Variants in PC observed in about 807,000 individuals in gnomAD.
PC encodes pyruvate carboxylase, mitochondrial.
PC carries 46 observed loss-of-function variants against 107.8 expected under a neutral mutation model. That is an observed-to-expected ratio of 0.43 (90% CI 0.34 to 0.55). PC has a LOEUF of 0.55. Among genes scored for constraint, PC ranks in the 20% least tolerant of loss-of-function variants. The pLI is 0.04. For synonymous variants in PC, 662 were observed against 684.7 expected, an observed-to-expected ratio of 0.97 and a Z score of 0.52; for missense variants, 1,241 against 1,643.1, an observed-to-expected ratio of 0.76 and a Z score of 4.23.
At position 66,858,886 on chromosome 11, in the gene PC, G is replaced by A. The variant is rs1201203324; in HGVS notation, c.1368+4888C>T. Reference sequence around the variant, plus strand: ...CATGGTGGGAACAGCAGTGCCGAGGGGGGCCGCCCCGGGCCCTCGGACATC... The same window carrying A: ...CATGGTGGGAACAGCAGTGCCGAGGAGGGCCGCCCCGGGCCCTCGGACATC... On this transcript the variant is annotated intron_variant, in intron 12 of 22. Transcript: ENST00000393960. The surrounding 1 kb of genome is among the most constrained non-coding windows in gnomAD (Gnocchi z 5.9). 1.3e-6 allele frequency: 2 copies of A among 1,560,732 alleles called. No homozygotes were observed. Among genetic ancestry groups the A allele is most frequent in the Non-Finnish European group, 1.7e-6 (2 of 1,152,306 alleles).
chr11:66,862,866 C>T (rs537359276), intron 12 of PC, among the ~76,000 whole-genome samples: 2 of 152,372 alleles, frequency 1.3e-5, no homozygotes, highest in East Asian at 3.9e-4. Context: ...CCCAAGCCTC[C>T]TGCTCATGTC....
In PC at chr11:66,866,123, C is replaced by T. The variant is rs892942892; in HGVS notation, c.1185+64G>A. ...CTGTGGCAACTTGGCACTGCAGCCC[C>T]AGGCACCAGGCAGAACCTGTGCACA... On this transcript the variant is annotated intron_variant, in intron 11 of 22. Coordinates refer to ENST00000393960, the MANE Select transcript of PC (RefSeq NM_001040716.2). The surrounding 1 kb of genome is among the most constrained non-coding windows in gnomAD (Gnocchi z 5.4). 40 of 1,557,326 alleles carry T rather than the reference C, an allele frequency of 2.6e-5. No homozygotes were observed. Among genetic ancestry groups the T allele is most frequent in the Admixed American group, 6.8e-5 (4 of 59,024 alleles).
At chr11:66,931,738 C>A (rs1317873384) in intron 3 of PC, among the ~76,000 whole-genome samples, 1 of 152,068 alleles carries the variant, frequency 6.6e-6, no homozygotes, top group African/African-American at 2.4e-5. Flanking sequence ...GTTTCTGTAG[C>A]CGGGCGCAGT....
At chr11:66,939,223 C>G (rs1011338810) in intron 3 of PC, among the ~76,000 whole-genome samples, 1 of 152,126 alleles carries the variant, frequency 6.6e-6, no homozygotes, top group Non-Finnish European at 1.5e-5. Context: ...AAAAACAATA[C>G]AGTATAAGAA....
Position 66,901,836 on chromosome 11 carries a change from G to A in PC, c.1-29677C>T, listed in dbSNP as rs570860368. ...GTGGTAGTAATGACTTTCCACTGTC[G>A]CTTGGTGCCTCAACTTCCCTTGTTG... On this transcript the variant is annotated intron_variant, in intron 3 of 22. Coordinates refer to ENST00000393960, the MANE Select transcript of PC (RefSeq NM_001040716.2). Among the ~76,000 whole-genome samples, 9 of 152,132 alleles carry A rather than the reference G, an allele frequency of 5.9e-5. No individual in the cohort carries two copies. The East Asian group carries it at 7.7e-4, about 13-fold the overall frequency.
intron 9 of PC, 51 bp from the exon 10 acceptor site, chr11:66,869,015 A>T: frequency 7.3e-7 from 1 of 1,362,126 alleles, no homozygotes; most frequent in Non-Finnish European, 1.1e-6. Flanking sequence ...GGCCTGGGCA[A>T]ACTCACTGGA....
intron 3 of PC, among the ~76,000 whole-genome samples, chr11:66,904,939 C>T (rs988182532): frequency 2.6e-5 from 4 of 152,350 alleles, no homozygotes; most frequent in South Asian, 4.1e-4. Flanking sequence ...CAGCACAGAG[C>T]GCTGACAATT....
chr11:66,852,897 A>G lies in PC; in HGVS notation c.1514-61T>C. The G allele has an allele frequency of 8.0e-7, 1 of 1,256,114 alleles. No individual in the cohort carries two copies. Among genetic ancestry groups the G allele is most frequent in the Non-Finnish European group, 1.1e-6 (1 of 891,964 alleles). 77.8% of individuals were successfully genotyped at this position (1,256,114 alleles called of 1,614,324 possible). A position where few individuals can be genotyped will look rare whatever the true frequency, so the allele number is the denominator to read the frequency against. ...GGGCAGAGGCTGAGTCGAGGGCAGC[A>G]GTGAGAGTGGCTGGGCTCAGGGACA... On this transcript the variant is annotated intron_variant, in intron 13 of 22. Transcript: ENST00000393960. The surrounding 1 kb of genome is among the most constrained non-coding windows in gnomAD (Gnocchi z 4.7).
At chr11:66,851,008 G>A in intron 17 of PC, 32 bp downstream of exon 17, 1 of 1,611,020 alleles carries the variant, frequency 6.2e-7, no homozygotes. Context: ...GGCCGGGGCA[G>A]AGAGGGAGGG....
intron 9 of PC, 107 bp from the exon 10 acceptor site, chr11:66,869,071 A>G: frequency 1.2e-6 from 1 of 847,738 alleles, no homozygotes; most frequent in Non-Finnish European, 2.0e-6. Context: ...GTTCCGTAAA[A>G]GAATGGCCTG....
intron 3 of PC, among the ~76,000 whole-genome samples, chr11:66,883,852 G>A (rs1328991144): frequency 6.6e-6 from 1 of 152,166 alleles, no homozygotes; most frequent in Non-Finnish European, 1.5e-5. Flanking sequence ...TTAAGAGGCC[G>A]AGGCAGGGGT....
intron 3 of PC, among the ~76,000 whole-genome samples, chr11:66,913,297 C>T (rs1305095957): frequency 6.6e-6 from 1 of 151,656 alleles, no homozygotes; most frequent in Non-Finnish European, 1.5e-5. Context: ...CAGACAAATA[C>T]ATTATGGGGA....
At chr11:66,906,423 T>C (rs1355723494) in intron 3 of PC, among the ~76,000 whole-genome samples, 3 of 152,018 alleles carry the variant, frequency 2.0e-5, no homozygotes, top group Admixed American at 2.0e-4. Context: ...TGATGGCAGG[T>C]CTCCCTCGGT....
At chr11:66,882,872 G>A (rs576609815) in intron 3 of PC, among the ~76,000 whole-genome samples, 1 of 152,346 alleles carries the variant, frequency 6.6e-6, no homozygotes, top group Admixed American at 6.5e-5. Context: ...GGCTGCCACG[G>A]CTGATATCAA....
intron 3 of PC, among the ~76,000 whole-genome samples, chr11:66,939,846 A>G (rs1389164146): frequency 6.7e-6 from 1 of 150,246 alleles, no homozygotes; most frequent in Non-Finnish European, 1.5e-5. Context: ...AGAAAAAACA[A>G]AAAAAAAACA....
At chr11:66,883,921 G>C (rs989982329) in intron 3 of PC, among the ~76,000 whole-genome samples, 2 of 151,470 alleles carry the variant, frequency 1.3e-5, no homozygotes, top group African/African-American at 4.8e-5. Flanking sequence ...TCCTGTCTCT[G>C]CCAAAAAATT....
chr11:66,936,268 G>T (rs181884192), intron 3 of PC, among the ~76,000 whole-genome samples: 2 of 144,192 alleles, frequency 1.4e-5, no homozygotes. Context: ...AAAAAAAGGT[G>T]GGGGGGGAGA....
intron 11 of PC, among the ~76,000 whole-genome samples, chr11:66,865,284 C>T (rs972639034): frequency 6.6e-6 from 1 of 152,244 alleles, no homozygotes; most frequent in African/African-American, 2.4e-5. Context: ...CATGTTTGCT[C>T]CCCTCACCGC....
At position 66,895,591 on chromosome 11, in the gene PC, CA is replaced by C. The variant is rs1413435881; in HGVS notation, c.1-23433del. Among the ~76,000 whole-genome samples the C allele has an allele frequency of 4.0e-5, 6 of 151,124 alleles. No homozygotes were observed. The South Asian group carries it at 8.3e-4, about 21-fold the overall frequency. On this transcript the variant is annotated intron_variant, in intron 3 of 22. Transcript: ENST00000393960. ...CATTTTTAAAGAACCATTTGGGGAGCAAAAAAGCTCTTGGAAATTAAAAAAT... is the reference window on the plus strand; with the variant it reads ...CATTTTTAAAGAACCATTTGGGGAGCAAAAAGCTCTTGGAAATTAAAAAAT...
Sources: allele counts gnomAD v4.1 joint callset (sites outside exome capture counted in the v4.1 genomes callset), GRCh38; gene constraint gnomAD v4.1.1; non-coding constraint Gnocchi (gnomAD v3.1); transcripts MANE v1.5; gene names NCBI Gene and HGNC (gene_info 2026-07-23, HGNC 2026-07-21).